PPM1H: variants seen among roughly 807,000 people sequenced by gnomAD.
PPM1H encodes the protein protein phosphatase 1H.
A neutral mutation model predicts 54.9 loss-of-function variants in PPM1H; 27 were observed. The ratio of observed to expected loss-of-function variants is 0.49; its 90% CI spans 0.36 to 0.68. The LOEUF is 0.68. Ranked by LOEUF, PPM1H falls within the 30% of genes least tolerant of loss-of-function variation. The pLI is 0.00. For missense variants in PPM1H, 596 were observed against 667.8 expected, an observed-to-expected ratio of 0.89 and a Z score of 1.19; for synonymous variants, 305 against 270.8, an observed-to-expected ratio of 1.13 and a Z score of -1.24.
chr12:62,713,459 C>A (rs1477061449), intron 6 of PPM1H, among the ~76,000 whole-genome samples: 1 of 152,002 alleles, frequency 6.6e-6, no homozygotes, highest in Non-Finnish European at 1.5e-5. Context: ...TCCCTTTAGT[C>A]TGGCCAGCTG....
At chr12:62,707,279 G>A (rs926684953) in intron 6 of PPM1H, among the ~76,000 whole-genome samples, 5 of 152,130 alleles carry the variant, frequency 3.3e-5, no homozygotes, top group East Asian at 3.8e-4. Flanking sequence ...CTGACCCACC[G>A]TTGCACCTGA....
intron 1 of PPM1H, among the ~76,000 whole-genome samples, chr12:62,923,919 T>G (rs1007499486): frequency 2.1e-5 from 3 of 143,978 alleles, no homozygotes; most frequent in Admixed American, 1.5e-4. Flanking sequence ...CATGAAAATT[T>G]AGAAAAATAG....
chr12:62,801,670 A>T, intron 3 of PPM1H, 146 bp downstream of exon 3: 1 of 843,856 alleles, frequency 1.2e-6, no homozygotes. Context: ...TCTATTGGGA[A>T]TGGAAGCCCC....
intron 4 of PPM1H, among the ~76,000 whole-genome samples, chr12:62,740,418 C>G (rs58631381): frequency 0.06 from 9,091 of 152,202 alleles, 896 homozygotes; most frequent in African/African-American, 0.21. Flanking sequence ...CCGGGACATT[C>G]TCTCTCCAAC....
At chr12:62,738,914 T>C (rs918066498) in intron 4 of PPM1H, among the ~76,000 whole-genome samples, 1 of 149,234 alleles carries the variant, frequency 6.7e-6, no homozygotes, top group African/African-American at 2.5e-5. Context: ...GCAGCTGTCA[T>C]GACCCCACCC....
chr12:62,819,605 C>G (rs1430438555), intron 2 of PPM1H, among the ~76,000 whole-genome samples: 1 of 152,212 alleles, frequency 6.6e-6, no homozygotes, highest in Non-Finnish European at 1.5e-5. Flanking sequence ...GGCTAAAATA[C>G]TACAGTGCAG....
chr12:62,842,549 C>T (rs1868791925), intron 1 of PPM1H, among the ~76,000 whole-genome samples: 1 of 152,202 alleles, frequency 6.6e-6, no homozygotes, highest in Non-Finnish European at 1.5e-5. Flanking sequence ...CAGACACCAC[C>T]TAGGCTTTCT....
intron 6 of PPM1H, among the ~76,000 whole-genome samples, chr12:62,695,679 A>G (rs2076110976): frequency 6.6e-6 from 1 of 152,140 alleles, no homozygotes; most frequent in African/African-American, 2.4e-5. Flanking sequence ...GGGTTTTTTA[A>G]AGCTTTCCAG....
intron 1 of PPM1H, among the ~76,000 whole-genome samples, chr12:62,927,616 C>G (rs569259780): frequency 6.7e-5 from 10 of 149,170 alleles, no homozygotes; most frequent in Admixed American, 6.0e-4. Flanking sequence ...AAGCCGAGAT[C>G]GTACCACTGC....
intron 6 of PPM1H, among the ~76,000 whole-genome samples, chr12:62,694,979 G>T (rs1344182275): frequency 6.6e-6 from 1 of 152,166 alleles, no homozygotes; most frequent in Non-Finnish European, 1.5e-5. Flanking sequence ...AAAAGATAGG[G>T]TAGGTTCTGC....
intron 8 of PPM1H, among the ~76,000 whole-genome samples, chr12:62,670,106 T>C (rs2075948317): frequency 6.7e-6 from 1 of 148,874 alleles, no homozygotes; most frequent in African/African-American, 2.5e-5. Context: ...GCCTCCCTAG[T>C]AGCTGGGATT....
intron 3 of PPM1H, among the ~76,000 whole-genome samples, chr12:62,795,280 A>G (rs1269641544): frequency 2.0e-5 from 3 of 152,048 alleles, no homozygotes; most frequent in Admixed American, 6.5e-5. Flanking sequence ...GGTACTATTT[A>G]TTTTGACTTG....
At chr12:62,665,854 C>A (rs2075915147) in intron 9 of PPM1H, among the ~76,000 whole-genome samples, 1 of 151,920 alleles carries the variant, frequency 6.6e-6, no homozygotes, top group African/African-American at 2.4e-5. Context: ...AATCCCACCT[C>A]AGCCCCCTGA....
chr12:62,686,583 G>A (rs7968556), intron 8 of PPM1H, among the ~76,000 whole-genome samples: 3 of 152,262 alleles, frequency 2.0e-5, no homozygotes, highest in South Asian at 2.1e-4. Context: ...AGTAATTCAC[G>A]GATCCTGATG....
chr12:62,797,841 A>G (rs770750877), intron 3 of PPM1H, among the ~76,000 whole-genome samples: 16 of 152,204 alleles, frequency 1.1e-4, no homozygotes, highest in Non-Finnish European at 4.4e-5. Context: ...GCAAAGAAAA[A>G]CAAGAGCATC....
chr12:62,812,433 G>A (rs572524286), intron 2 of PPM1H, among the ~76,000 whole-genome samples: 7 of 152,114 alleles, frequency 4.6e-5, no homozygotes, highest in Non-Finnish European at 1.0e-4. Context: ...ACAGTATCAA[G>A]CCCCTTCCTG....
chr12:62,647,087 A>AGAC lies in PPM1H; in HGVS notation c.*1399_*1401dup, dbSNP rs2075790003. On this transcript the variant is annotated 3_prime_UTR_variant, in exon 10 of 10. Transcript: ENST00000228705. ...TTGTGGCCGTACAAGTCTGCCTAAGAGACAGAAGTGAGTTTTATAATCTAC... is the reference window on the plus strand; with the variant it reads ...TTGTGGCCGTACAAGTCTGCCTAAGAGACGACAGAAGTGAGTTTTATAATCTAC... The AGAC allele has an allele frequency of 7.0e-6, 1 of 143,474 alleles. No homozygotes were observed. Among genetic ancestry groups the AGAC allele is most frequent in the Non-Finnish European group, 1.6e-5 (1 of 62,324 alleles). The allele number at this position is 143,474 out of a possible 1,614,324, so 8.9% of individuals were successfully genotyped here. A position where few individuals can be genotyped will look rare whatever the true frequency, so the allele number is the denominator to read the frequency against.
intron 3 of PPM1H, among the ~76,000 whole-genome samples, chr12:62,788,757 GCT>G (rs1282430494): frequency 2.6e-5 from 4 of 152,154 alleles, no homozygotes; most frequent in African/African-American, 9.7e-5. Context: ...ACAGGATCTG[GCT>G]CTGTCACCCA....
chr12:62,661,715 CA>C (rs1422232324), intron 9 of PPM1H, among the ~76,000 whole-genome samples: 1 of 87,872 alleles, frequency 1.1e-5, no homozygotes, highest in Non-Finnish European at 2.8e-5. Flanking sequence ...TCTGTTAAAA[CA>C]CTTTTTTTTT....
Sources: allele counts gnomAD v4.1 joint callset (sites outside exome capture counted in the v4.1 genomes callset), GRCh38; gene constraint gnomAD v4.1.1; transcripts MANE v1.5; gene names NCBI Gene and HGNC (gene_info 2026-07-23, HGNC 2026-07-21).